Variants in PPARGC1A observed in about 807,000 individuals in gnomAD.
PPARGC1A encodes the protein PPARG coactivator 1 alpha.
A neutral mutation model predicts 88.7 loss-of-function variants in PPARGC1A; 25 were observed. That is an observed-to-expected ratio of 0.28 (90% confidence interval 0.21 to 0.39). The LOEUF (loss-of-function observed/expected upper bound fraction) is 0.39, where lower values mean the gene tolerates loss of function less well. Among genes scored for constraint, PPARGC1A ranks in the 10% least tolerant of loss-of-function variants. The pLI is 1.00. For missense variants in PPARGC1A, 880 were observed against 968.7 expected, an observed-to-expected ratio of 0.91 and a Z score of 1.22; for synonymous variants, 363 against 355.6, an observed-to-expected ratio of 1.02 and a Z score of -0.24.
At chr4:23,970,647 T>C in the PPARGC1A span, among the ~76,000 whole-genome samples, 1 of 152,192 alleles carries the variant, frequency 6.6e-6, no homozygotes, top group Non-Finnish European at 1.5e-5. Context: ...AGTCATGCGC[T>C]ATGTTCTTTG....
the PPARGC1A span, among the ~76,000 whole-genome samples, chr4:24,419,182 G>A: frequency 6.6e-6 from 1 of 151,920 alleles, no homozygotes; most frequent in African/African-American, 2.4e-5. Context: ...AATTTTGGTC[G>A]TCTCTACTGA....
chr4:24,414,938 C>G, the PPARGC1A span, among the ~76,000 whole-genome samples: 20 of 152,098 alleles, frequency 1.3e-4, no homozygotes, highest in Admixed American at 6.6e-5. Flanking sequence ...GCCTGTAATC[C>G]CAACACTTTG....
chr4:23,900,168 C>T (rs1443789215), upstream of PPARGC1A, among the ~76,000 whole-genome samples: 3 of 152,142 alleles, frequency 2.0e-5, no homozygotes, highest in Admixed American at 1.3e-4. Flanking sequence ...CGATCTATTT[C>T]CTCATCTATC....
chr4:24,177,210 A>G, the PPARGC1A span, among the ~76,000 whole-genome samples: 1 of 152,212 alleles, frequency 6.6e-6, no homozygotes, highest in Non-Finnish European at 1.5e-5. Context: ...AAGACTTGGA[A>G]CCAACCCAAA....
At chr4:24,393,779 C>T in the PPARGC1A span, among the ~76,000 whole-genome samples, 1 of 152,164 alleles carries the variant, frequency 6.6e-6, no homozygotes, top group Non-Finnish European at 1.5e-5. Context: ...TAAGTGACTC[C>T]ATTTTTACTG....
the PPARGC1A span, among the ~76,000 whole-genome samples, chr4:24,050,486 G>A: frequency 6.6e-6 from 1 of 151,996 alleles, no homozygotes; most frequent in African/African-American, 2.4e-5. Flanking sequence ...GTGAGCTACT[G>A]CGCCTGGCTT....
chr4:24,394,252 G>C, the PPARGC1A span, among the ~76,000 whole-genome samples: 1 of 152,128 alleles, frequency 6.6e-6, no homozygotes, highest in South Asian at 2.1e-4. Flanking sequence ...GTTTACTCAC[G>C]GCCATGTTAG....
the PPARGC1A span, among the ~76,000 whole-genome samples, chr4:24,120,720 C>A: frequency 1.3e-5 from 2 of 151,948 alleles, no homozygotes; most frequent in Admixed American, 6.6e-5. Context: ...AGATTATTAC[C>A]CTCATAAAAG....
At chr4:24,354,154 T>C in the PPARGC1A span, among the ~76,000 whole-genome samples, 2 of 152,134 alleles carry the variant, frequency 1.3e-5, no homozygotes, top group African/African-American at 2.4e-5. Flanking sequence ...GAACCAGCAA[T>C]GGGACGTCAG....
At chr4:24,009,150 A>AAAAAAGAG in the PPARGC1A span, among the ~76,000 whole-genome samples, 44 of 79,798 alleles carry the variant, frequency 5.5e-4, 1 homozygote, top group African/African-American at 2.2e-3. Context: ...AAAAAAAAAA[A>AAAAAAGAG]AGAGAGAGAA....
the PPARGC1A span, among the ~76,000 whole-genome samples, chr4:24,004,105 T>C: frequency 6.6e-6 from 1 of 152,176 alleles, no homozygotes; most frequent in South Asian, 2.1e-4. Flanking sequence ...ATGAAACTGA[T>C]GTTGGGCATC....
At chr4:24,212,786 G>A in the PPARGC1A span, among the ~76,000 whole-genome samples, 2 of 152,170 alleles carry the variant, frequency 1.3e-5, no homozygotes, top group Non-Finnish European at 2.9e-5. Flanking sequence ...CTAAGCACTT[G>A]GCAGCCCACA....
At chr4:23,931,248 C>T in the PPARGC1A span, among the ~76,000 whole-genome samples, 6 of 152,082 alleles carry the variant, frequency 3.9e-5, no homozygotes, top group African/African-American at 7.2e-5. Flanking sequence ...CAGGGAAACT[C>T]GGACCCCCAA....
At chr4:24,176,479 G>A in the PPARGC1A span, among the ~76,000 whole-genome samples, 1 of 152,130 alleles carries the variant, frequency 6.6e-6, no homozygotes, top group African/African-American at 2.4e-5. Flanking sequence ...AGGAGAGCCA[G>A]GAGATCTTCA....
chr4:24,350,048 C>T, the PPARGC1A span, among the ~76,000 whole-genome samples: 25 of 152,344 alleles, frequency 1.6e-4, no homozygotes, highest in Middle Eastern at 6.8e-3. Flanking sequence ...AAGTTGGAAA[C>T]GTCTCCAGCA....
chr4:24,286,155 C>T, the PPARGC1A span, among the ~76,000 whole-genome samples: 3 of 152,024 alleles, frequency 2.0e-5, no homozygotes, highest in Admixed American at 2.0e-4. Flanking sequence ...CGAAAGAGAA[C>T]AGGTGAATGA....
chr4:23,852,328 C>T (rs1453234234), intron 2 of PPARGC1A, among the ~76,000 whole-genome samples: 1 of 152,136 alleles, frequency 6.6e-6, no homozygotes, highest in Non-Finnish European at 1.5e-5. Flanking sequence ...GAAATTTCTG[C>T]TTTTAAAAAA....
At chr4:24,059,773 A>G in the PPARGC1A span, among the ~76,000 whole-genome samples, 1 of 152,136 alleles carries the variant, frequency 6.6e-6, no homozygotes, top group Non-Finnish European at 1.5e-5. Flanking sequence ...AACCTCCCCT[A>G]TGGAGTCCCA....
the PPARGC1A span, among the ~76,000 whole-genome samples, chr4:24,295,623 G>C: frequency 6.6e-6 from 1 of 151,074 alleles, no homozygotes; most frequent in African/African-American, 2.4e-5. Flanking sequence ...GTTTAAGGGG[G>C]AAGAAACTAT....
Sources: allele counts gnomAD v4.1 joint callset (sites outside exome capture counted in the v4.1 genomes callset), GRCh38; gene constraint gnomAD v4.1.1; transcripts MANE v1.5; gene names NCBI Gene and HGNC (gene_info 2026-07-23, HGNC 2026-07-21).